Variants in EAF2 observed in about 807,000 individuals in gnomAD.
EAF2 encodes ELL associated factor 2.
A neutral mutation model predicts 29.4 loss-of-function variants in EAF2; 29 were observed. The ratio of observed to expected loss-of-function variants is 0.99; its 90% confidence interval spans 0.73 to 1.35. The LOEUF (loss-of-function observed/expected upper bound fraction) is 1.35, where lower values mean the gene tolerates loss of function less well. EAF2 is among the 40% of genes most tolerant of loss of function. EAF2 has a pLI of 0.00. For missense variants in EAF2, 292 were observed against 312.0 expected (o/e 0.94, Z 0.48); for synonymous variants, 103 against 102.5 (o/e 1.00, Z -0.03).
At chr3:121,838,881 A>T (rs907301545) in intron 1 of EAF2, among the ~76,000 whole-genome samples, 4 of 152,196 alleles carry the variant, frequency 2.6e-5, no homozygotes, top group Non-Finnish European at 5.9e-5. Context: ...AGATCTGTGG[A>T]TGTAAGACAA....
chr3:121,850,335 T>A (rs1326193855), intron 2 of EAF2, among the ~76,000 whole-genome samples: 1 of 152,036 alleles, frequency 6.6e-6, no homozygotes, highest in African/African-American at 2.4e-5. Context: ...TCTTTGATTT[T>A]TTTTTCATTG....
intron 4 of EAF2, among the ~76,000 whole-genome samples, chr3:121,869,153 C>T (rs143420360): frequency 2.6e-5 from 4 of 152,250 alleles, no homozygotes; most frequent in East Asian, 1.9e-4. Flanking sequence ...ATTAAAAATA[C>T]ATGCAGCTAA....
intron 5 of EAF2, chr3:121,873,032 G>A: frequency 1.4e-6 from 1 of 726,570 alleles, no homozygotes; most frequent in Non-Finnish European, 2.4e-6. Flanking sequence ...ATGATCCTCT[G>A]CTCAGTCATT....
At chr3:121,883,775 C>T (rs7625960) in intron 5 of EAF2, among the ~76,000 whole-genome samples, 137,133 of 152,330 alleles carry the variant, frequency 0.9, 61,770 homozygotes, top group Admixed American at 0.93. Flanking sequence ...GAATATATTT[C>T]TATGGGTAAA....
chr3:121,838,832 T>C (rs1270471888), intron 1 of EAF2, among the ~76,000 whole-genome samples: 3 of 152,196 alleles, frequency 2.0e-5, no homozygotes, highest in Non-Finnish European at 4.4e-5. Context: ...TTGTCTCTCA[T>C]CTCCTAATAC....
chr3:121,877,125 A>G (rs1709112487), intron 5 of EAF2, among the ~76,000 whole-genome samples: 1 of 152,026 alleles, frequency 6.6e-6, no homozygotes, highest in Non-Finnish European at 1.5e-5. Flanking sequence ...GACTTGGTAA[A>G]TTATGAGAAA....
chr3:121,853,561 A>G (rs1235623544), intron 2 of EAF2, among the ~76,000 whole-genome samples: 5 of 152,100 alleles, frequency 3.3e-5, no homozygotes, highest in Non-Finnish European at 7.4e-5. Flanking sequence ...CCCATCCTCC[A>G]CAAGTAGCTG....
At chr3:121,878,699 C>T (rs28886386) in intron 5 of EAF2, among the ~76,000 whole-genome samples, 4,852 of 152,114 alleles carry the variant, frequency 0.032, 266 homozygotes, top group African/African-American at 0.11. Flanking sequence ...TAATGACTTC[C>T]AGTTCCATTC....
At chr3:121,845,548 A>G (rs1417865080) in intron 2 of EAF2, among the ~76,000 whole-genome samples, 1 of 151,742 alleles carries the variant, frequency 6.6e-6, no homozygotes, top group Non-Finnish European at 1.5e-5. Context: ...AGGATATTTT[A>G]TGTTGTAATG....
chr3:121,851,249 C>G (rs545012981), intron 2 of EAF2, among the ~76,000 whole-genome samples: 2 of 152,220 alleles, frequency 1.3e-5, no homozygotes, highest in South Asian at 4.1e-4. Flanking sequence ...ACAATTATAG[C>G]CCACTGCAGC....
chr3:121,877,086 A>G (rs1030487260), intron 5 of EAF2, among the ~76,000 whole-genome samples: 6 of 152,018 alleles, frequency 3.9e-5, no homozygotes, highest in African/African-American at 1.4e-4. Flanking sequence ...AATACACTTT[A>G]AGGCAAAATG....
At position 121,835,330 on chromosome 3, in the gene EAF2, G is replaced by T; in HGVS notation, c.45G>T (p.Arg15=). The stretch of plus-strand genomic sequence containing the variant: ...TCTCACACCTAGACCGTCGCGAGCG[G>T]GTTCTCAAGTTAGGGGAGAGTTTCG... ...AGFSHLDRRE[R]VLKLGESFEK... is the part of the protein sequence containing the mutation. Residue 15 remains arginine (R), a synonymous_variant, in exon 1 of 6, where the codon CGG becomes CGT. Coordinates refer to ENST00000273668, the MANE Select transcript of EAF2 (RefSeq NM_018456.6). The T allele has an allele frequency of 1.9e-6, 3 of 1,614,240 alleles. No homozygotes were observed. Among genetic ancestry groups the T allele is most frequent in the Non-Finnish European group, 2.5e-6 (3 of 1,180,034 alleles).
intron 4 of EAF2, among the ~76,000 whole-genome samples, 162 bp downstream of exon 4, chr3:121,857,318 C>T (rs997534400): frequency 9.9e-5 from 15 of 151,972 alleles, no homozygotes; most frequent in African/African-American, 3.6e-4. Context: ...ATGGTGAAAC[C>T]GCATCTCTGC....
chr3:121,885,719 A>G (rs1037034361), intron 5 of EAF2, among the ~76,000 whole-genome samples: 1 of 152,096 alleles, frequency 6.6e-6, no homozygotes, highest in African/African-American at 2.4e-5. Flanking sequence ...TCTCTGTTCA[A>G]ATGTCACCCC....
At position 121,835,344 on chromosome 3, in the gene EAF2, G is replaced by C; in HGVS notation, c.59G>C (p.Gly20Ala). 1 of 1,614,182 alleles carries C rather than the reference G, an allele frequency of 6.2e-7. No homozygotes were observed. Among genetic ancestry groups the C allele is most frequent in the Non-Finnish European group, 8.5e-7 (1 of 1,180,010 alleles). The change falls in exon 1 of 6, where the codon GGG (glycine) becomes GCG (alanine). Residue 20 changes from glycine (G) to alanine (A), a missense_variant. Physicochemically the swap from Gly to Ala is moderately conservative, Grantham distance 60 (BLOSUM62 0). Coordinates refer to ENST00000273668, the MANE Select transcript of EAF2 (RefSeq NM_018456.6). The part of the protein sequence containing the change: ...LDRRERVLKL[G>A]ESFEKQPRCA... ...CGTCGCGAGCGGGTTCTCAAGTTAG[G>C]GGAGAGTTTCGAGAAGCAGCCGCGC...
intron 4 of EAF2, among the ~76,000 whole-genome samples, chr3:121,869,582 T>C (rs540920820): frequency 1.1e-4 from 17 of 152,080 alleles, no homozygotes; most frequent in Non-Finnish European, 2.4e-4. Context: ...AAAAGTATTA[T>C]AAAGAAATGG....
Position 121,854,817 on chromosome 3 carries a change from A to C in EAF2, c.332A>C (p.Lys111Thr). The stretch of plus-strand genomic sequence containing the variant: ...CTCAGCAGCAACATCACTGTAAAAA[A>C]AACAAGGTATGTGGTTTAATGAAAT... ...EKLSSNITVKKTRVEGSSKIQ... is the reference protein window; with the variant it reads ...EKLSSNITVKTTRVEGSSKIQ... The change falls in exon 3 of 6, where the codon AAA becomes ACA. Residue 111 changes from lysine to threonine, a missense_variant. Lys to Thr is a moderately conservative substitution (Grantham distance 78). Transcript: ENST00000273668. 6.4e-7 allele frequency: 1 copy of C among 1,565,128 alleles called. No homozygotes were observed. The highest frequency in any genetic ancestry group is 8.6e-7 in the Non-Finnish European group (1 of 1,167,032).
chr3:121,835,403 C>G lies in EAF2; in HGVS notation c.106+12C>G. ...CCACACTGTGCGCTGTGAGTGAGGA[C>G]CATCCGGGGATAGAGGGGGAGCCTC... On this transcript the variant is annotated intron_variant, in intron 1 of 5. Coordinates refer to ENST00000273668, the MANE Select transcript of EAF2 (RefSeq NM_018456.6). 6.2e-7 allele frequency: 1 copy of G among 1,611,896 alleles called. No homozygotes were observed. The highest frequency in any genetic ancestry group is 2.2e-5 in the East Asian group (1 of 44,854).
intron 1 of EAF2, among the ~76,000 whole-genome samples, chr3:121,837,986 G>A (rs1708336390): frequency 6.6e-6 from 1 of 152,078 alleles, no homozygotes; most frequent in Non-Finnish European, 1.5e-5. Context: ...CCACTTTTTT[G>A]TGTCCTTAAA....
Sources: allele counts gnomAD v4.1 joint callset (sites outside exome capture counted in the v4.1 genomes callset), GRCh38; gene constraint gnomAD v4.1.1; transcripts MANE v1.5; gene names NCBI Gene and HGNC (gene_info 2026-07-23, HGNC 2026-07-21).